The following YAF2 variants were observed in gnomAD, a reference collection of about 807,000 sequenced individuals.
YAF2 encodes YY1-associated factor 2.
Under a neutral mutation model 20.1 loss-of-function variants are expected in YAF2, and 7 were observed. That is an observed-to-expected ratio of 0.35 (90% CI 0.20 to 0.65). The LOEUF is 0.65. YAF2 is among the 30% of genes least tolerant of loss of function. YAF2 has a pLI of 0.69. For synonymous variants in YAF2, 74 were observed against 76.0 expected (o/e 0.97, Z 0.14); for missense variants, 151 against 219.2 (o/e 0.69, Z 1.96).
Position 42,238,237 on chromosome 12 carries a change from A to G in YAF2, c.-57T>C. ...CGCCGCGACCGCTCTGTTTGTCAAT[A>G]AGGAGGATAATAAGCCGGGCGGAAG... On this transcript the variant is annotated 5_prime_UTR_variant, in exon 1 of 4. Coordinates refer to ENST00000534854, the MANE Select transcript of YAF2 (RefSeq NM_005748.6). The G allele has an allele frequency of 2.4e-6, 3 of 1,255,534 alleles. No homozygotes were observed. Among genetic ancestry groups the G allele is most frequent in the Non-Finnish European group, 3.1e-6 (3 of 968,288 alleles). 77.8% of individuals were successfully genotyped at this position (1,255,534 alleles called of 1,614,324 possible).
chr12:42,185,785 A>G (rs549941486), intron 2 of YAF2, among the ~76,000 whole-genome samples: 1 of 152,386 alleles, frequency 6.6e-6, no homozygotes, highest in Middle Eastern at 3.4e-3. Flanking sequence ...TGGTGTAAAC[A>G]TAACTTTTAT....
At position 42,203,063 on chromosome 12, in the gene YAF2, C is replaced by T. The variant is rs571421344; in HGVS notation, c.152+34536G>A. Among the ~76,000 whole-genome samples the T allele has an allele frequency of 2.0e-5, 3 of 149,422 alleles. No homozygotes were observed. In the South Asian group the frequency reaches 6.3e-4, roughly 31 times the overall value. ...TAATTTTGCACAGGAAGGTCATTTT[C>T]CACAAAAAAAAAAAAAAATCCTACT... On this transcript the variant is annotated intron_variant, in intron 2 of 3. Coordinates refer to ENST00000534854, the MANE Select transcript of YAF2 (RefSeq NM_005748.6).
At chr12:42,200,812 G>C (rs1257027605) in intron 2 of YAF2, among the ~76,000 whole-genome samples, 1 of 152,156 alleles carries the variant, frequency 6.6e-6, no homozygotes, top group African/African-American at 2.4e-5. Flanking sequence ...TGGTATAGTG[G>C]ACTCTGAAGC....
chr12:42,214,771 A>G (rs2067306796), intron 2 of YAF2, among the ~76,000 whole-genome samples: 1 of 151,564 alleles, frequency 6.6e-6, no homozygotes, highest in Non-Finnish European at 1.5e-5. Context: ...TGGGAGGCTG[A>G]GGTGGGTGGA....
chr12:42,206,143 T>C (rs2067033812), intron 2 of YAF2, among the ~76,000 whole-genome samples: 1 of 152,154 alleles, frequency 6.6e-6, no homozygotes, highest in Admixed American at 6.5e-5. Context: ...GTAACTTCTC[T>C]CTTTAGCTGT....
chr12:42,234,388 G>GA (rs2068079695), intron 2 of YAF2: 1 of 985,250 alleles, frequency 1.0e-6, no homozygotes, highest in African/African-American at 1.7e-5. Flanking sequence ...GTGAGGGGCT[G>GA]AAAAATGACC....
chr12:42,213,466 C>T (rs963015512), intron 2 of YAF2, among the ~76,000 whole-genome samples: 1 of 152,158 alleles, frequency 6.6e-6, no homozygotes, highest in African/African-American at 2.4e-5. Context: ...TTCTTAATAG[C>T]CATCTCTAAA....
chr12:42,161,334 T>G (rs2065795616), intron 3 of YAF2: 2 of 292,344 alleles, frequency 6.8e-6, no homozygotes, highest in Admixed American at 9.9e-5. Context: ...CAAATAGCTC[T>G]TCTTAAGGGA....
At chr12:42,210,474 A>T in intron 2 of YAF2, 1 of 1,535,786 alleles carries the variant, frequency 6.5e-7, no homozygotes, top group Non-Finnish European at 8.7e-7. Context: ...CATGCAGTAC[A>T]GACGTATATG....
chr12:42,189,206 T>TA lies in YAF2; in HGVS notation c.153-27442dup, dbSNP rs199884904. Among the ~76,000 whole-genome samples, 816 of 152,276 alleles carry TA rather than the reference T, an allele frequency of 5.4e-3. 5 individuals carry two copies. Among genetic ancestry groups the TA allele is most frequent in the Middle Eastern group, 0.037 (11 of 294 alleles). On this transcript the variant is annotated intron_variant, in intron 2 of 3. Coordinates refer to ENST00000534854, the MANE Select transcript of YAF2 (RefSeq NM_005748.6). ...AAATCTTTTTCAGAAAACCTGCTAG[T>TA]AAATAATCAACTACAACTGCATACT...
intron 2 of YAF2, among the ~76,000 whole-genome samples, chr12:42,172,602 CT>C (rs2066077799): frequency 6.6e-6 from 1 of 152,124 alleles, no homozygotes; most frequent in Non-Finnish European, 1.5e-5. Flanking sequence ...AGCAGAAGTG[CT>C]ATTCTGAAGT....
intron 2 of YAF2, among the ~76,000 whole-genome samples, chr12:42,193,079 C>T (rs562206454): frequency 2.0e-5 from 3 of 152,008 alleles, no homozygotes; most frequent in African/African-American, 7.3e-5. Context: ...TTTGGGTGGC[C>T]GAGGGGGGGC....
At chr12:42,222,471 C>A (rs1372694238) in intron 2 of YAF2, among the ~76,000 whole-genome samples, 1 of 152,132 alleles carries the variant, frequency 6.6e-6, no homozygotes, top group African/African-American at 2.4e-5. Flanking sequence ...ATTTGACTAG[C>A]GGACCATCTT....
At chr12:42,234,247 G>A (rs1016563722) in intron 2 of YAF2, 4 of 985,432 alleles carry the variant, frequency 4.1e-6, no homozygotes, top group Non-Finnish European at 4.8e-6. Context: ...AGAAACTTCA[G>A]ATATAAAGAC....
chr12:42,203,102 G>C (rs1189258498), intron 2 of YAF2, among the ~76,000 whole-genome samples: 1 of 148,188 alleles, frequency 6.7e-6, no homozygotes, highest in Non-Finnish European at 1.5e-5. Context: ...ATTTTTGTCT[G>C]AAACTACATA....
rs988638913 is a variant in YAF2, at chr12:42,208,953, G to A, written c.152+28646C>T. 7.9e-5 allele frequency among the ~76,000 whole-genome samples: 12 copies of A among 152,268 alleles called. No homozygotes were observed. The East Asian group carries it at 1.7e-3, about 22-fold the overall frequency. On this transcript the variant is annotated intron_variant, in intron 2 of 3. Transcript: ENST00000534854. ...ACAGCTATAAGCAGGACACCACTACGAGCTCTTTATATTTAAAATGCCTTT... is the reference window on the plus strand; with the variant it reads ...ACAGCTATAAGCAGGACACCACTACAAGCTCTTTATATTTAAAATGCCTTT...
intron 2 of YAF2, among the ~76,000 whole-genome samples, chr12:42,217,228 A>T (rs2137277309): frequency 6.6e-6 from 1 of 152,354 alleles, no homozygotes; most frequent in East Asian, 1.9e-4. Flanking sequence ...AGATTGATGT[A>T]AGTTCTTCTA....
chr12:42,205,249 T>C (rs1157263960), intron 2 of YAF2, among the ~76,000 whole-genome samples: 1 of 152,122 alleles, frequency 6.6e-6, no homozygotes, highest in East Asian at 1.9e-4. Context: ...ACCATTATAG[T>C]TGTACTTATA....
At chr12:42,209,902 G>A (rs972287413) in intron 2 of YAF2, among the ~76,000 whole-genome samples, 31 of 152,250 alleles carry the variant, frequency 2.0e-4, no homozygotes, top group South Asian at 1.9e-3. Context: ...GGGTTCAAGC[G>A]ATTCTCCTGC....
Sources: gnomAD v4.1 joint callset for allele counts (sites outside exome capture counted in the v4.1 genomes callset) on GRCh38, gnomAD v4.1.1 for gene constraint, MANE v1.5 for transcripts, NCBI Gene and HGNC (gene_info 2026-07-23, HGNC 2026-07-21) for gene names.